PDE8A: variants seen among roughly 807,000 people sequenced by gnomAD.
The protein encoded by PDE8A is high affinity cAMP-specific and IBMX-insensitive 3',5'-cyclic phosphodiesterase 8A.
In PDE8A, 59 loss-of-function variants were observed where a neutral mutation model predicts 105.0. That is an observed-to-expected ratio of 0.56 (90% CI 0.46 to 0.70). The LOEUF is 0.70. Ranked by LOEUF, PDE8A falls within the 30% of genes least tolerant of loss-of-function variation. The probability of loss-of-function intolerance (pLI) is 0.00; values close to 1 mark genes in which losing one functional copy is unlikely to be tolerated. For missense variants in PDE8A, 1,014 were observed against 1,045.9 expected (o/e 0.97, Z 0.42); for synonymous variants, 355 against 371.9 (o/e 0.95, Z 0.52).
chr15:85,078,818 T>C (rs184091453), intron 5 of PDE8A, among the ~76,000 whole-genome samples: 5 of 152,308 alleles, frequency 3.3e-5, no homozygotes, highest in African/African-American at 1.2e-4. Context: ...ATATTTACTG[T>C]ATGAAACAAT....
chr15:85,089,204 T>TTA lies in PDE8A; in HGVS notation c.636-133_636-132insAT, dbSNP rs2081601362. The stretch of plus-strand genomic sequence containing the variant: ...GAGGGGCTTGCAGGGGGGTGTTTAT[T>TTA]TCTTTTTATGTTTTAAAATATTTTC... On this transcript the variant is annotated intron_variant, in intron 6 of 21. Transcript: ENST00000394553. 6.4e-6 allele frequency: 4 copies of TTA among 621,698 alleles called. No individual in the cohort carries two copies. The South Asian group carries it at 7.8e-5, about 12-fold the overall frequency. The allele number at this position is 621,698 out of a possible 1,614,324, so 38.5% of individuals were successfully genotyped here.
Position 85,109,057 on chromosome 15 carries a change from TCAGA to T in PDE8A, c.1045_1048del (p.Thr349AlafsTer11). The T allele has an allele frequency of 1.9e-6, 3 of 1,602,694 alleles. No homozygotes were observed. Among genetic ancestry groups the T allele is most frequent in the Non-Finnish European group, 2.6e-6 (3 of 1,170,096 alleles). On this transcript the variant is annotated frameshift_variant, in exon 12 of 22. Transcript: ENST00000394553. LOFTEE classifies it high-confidence loss of function. ...ATTTATCATTTGTTTCTACAGATAA[TCAGA>T]CAGGCAAACATAAAGACAGGAGAAA...
intron 1 of PDE8A, among the ~76,000 whole-genome samples, chr15:85,023,012 A>G (rs1382136279): frequency 6.6e-6 from 1 of 152,232 alleles, no homozygotes; most frequent in Non-Finnish European, 1.5e-5. Flanking sequence ...AGGTAGACCT[A>G]GGTAATGGGG....
At chr15:85,061,247 T>A (rs899637102) in intron 1 of PDE8A, among the ~76,000 whole-genome samples, 1 of 152,100 alleles carries the variant, frequency 6.6e-6, no homozygotes, top group Admixed American at 6.6e-5. Context: ...TTATTTATTT[T>A]TTTTGAGATG....
intron 1 of PDE8A, among the ~76,000 whole-genome samples, chr15:85,041,853 G>A (rs748931116): frequency 2.4e-4 from 37 of 152,210 alleles, no homozygotes; most frequent in Non-Finnish European, 4.3e-4. Context: ...TGATCTGAAG[G>A]CCTTCATCTG....
At chr15:85,016,160 AT>A (rs2141343127) in intron 1 of PDE8A, among the ~76,000 whole-genome samples, 1 of 152,290 alleles carries the variant, frequency 6.6e-6, no homozygotes, top group East Asian at 1.9e-4. Context: ...AATAAATAAA[AT>A]TTAAAAAATG....
At chr15:85,136,445 C>T in intron 20 of PDE8A, 89 bp from the exon 21 acceptor site, 1 of 1,414,378 alleles carries the variant, frequency 7.1e-7, no homozygotes, top group Non-Finnish European at 9.6e-7. Context: ...CTTAGGCTGC[C>T]AGGAGAAGCT....
In PDE8A at chr15:85,138,854, A is replaced by C. The variant is rs2082457071; in HGVS notation, c.*951A>C. 1.3e-5 allele frequency: 2 copies of C among 152,360 alleles called. No individual in the cohort carries two copies. The highest frequency in any genetic ancestry group is 3.9e-4 in the East Asian group (2 of 5,192). 9.4% of individuals were successfully genotyped at this position (152,360 alleles called of 1,614,324 possible). On this transcript the variant is annotated 3_prime_UTR_variant, in exon 22 of 22. Coordinates refer to ENST00000394553, the MANE Select transcript of PDE8A (RefSeq NM_002605.3). ...AAAATTTTATAATTCAATTTCCAAAAGTCTACTCTATTTTATACTGTTTCT... is the reference window on the plus strand; with the variant it reads ...AAAATTTTATAATTCAATTTCCAAACGTCTACTCTATTTTATACTGTTTCT...
chr15:85,072,033 A>T (rs757845755), intron 3 of PDE8A, among the ~76,000 whole-genome samples: 6 of 152,244 alleles, frequency 3.9e-5, no homozygotes, highest in Non-Finnish European at 7.3e-5. Flanking sequence ...GTACTACTTG[A>T]AAACCCAAAA....
intron 17 of PDE8A, among the ~76,000 whole-genome samples, chr15:85,118,441 G>A (rs1320965804): frequency 2.0e-5 from 3 of 152,020 alleles, no homozygotes; most frequent in African/African-American, 7.2e-5. Context: ...GAGGCCCCCC[G>A]CAATCCTTTC....
chr15:84,997,276 C>T (rs1436823193), intron 1 of PDE8A, among the ~76,000 whole-genome samples: 2 of 152,036 alleles, frequency 1.3e-5, no homozygotes, highest in African/African-American at 4.8e-5. Flanking sequence ...TTACTGCAAC[C>T]TCTGTCTCCT....
chr15:85,057,986 TG>T (rs1210699687), intron 1 of PDE8A, among the ~76,000 whole-genome samples: 2 of 152,202 alleles, frequency 1.3e-5, no homozygotes, highest in Admixed American at 6.5e-5. Flanking sequence ...TAAGGGATAT[TG>T]GCCTGTAATT....
In PDE8A at chr15:84,993,745, G is replaced by T. The variant is rs573679539; in HGVS notation, c.186+11397G>T. ...AAAAAAAATAATAATAAATAAATTA[G>T]CTGGGCATGGTGGTGCACACCTGTA... On this transcript the variant is annotated intron_variant, in intron 1 of 21. Transcript: ENST00000394553. Among the ~76,000 whole-genome samples, 470 of 151,996 alleles carry T rather than the reference G, an allele frequency of 3.1e-3. 1 individual carries two copies. The highest frequency in any genetic ancestry group is 4.6e-3 in the Non-Finnish European group (316 of 67,970).
At chr15:85,096,606 A>G (rs987396105) in intron 8 of PDE8A, among the ~76,000 whole-genome samples, 4 of 152,216 alleles carry the variant, frequency 2.6e-5, no homozygotes, top group Admixed American at 6.5e-5. Flanking sequence ...TAAGGTAGAC[A>G]TGCAAGTTGT....
chr15:84,986,326 C>T (rs1567214603), intron 1 of PDE8A, among the ~76,000 whole-genome samples: 2 of 152,174 alleles, frequency 1.3e-5, no homozygotes, highest in South Asian at 4.1e-4. Context: ...TTACTGCTGT[C>T]AGCACTCACT....
intron 11 of PDE8A, among the ~76,000 whole-genome samples, chr15:85,102,672 T>G (rs2081883313): frequency 6.6e-6 from 1 of 151,440 alleles, no homozygotes; most frequent in South Asian, 2.1e-4. Flanking sequence ...AAACCTCGTC[T>G]CTACTAAAAA....
At chr15:85,082,665 A>G (rs1443715297) in intron 5 of PDE8A, among the ~76,000 whole-genome samples, 2 of 152,228 alleles carry the variant, frequency 1.3e-5, no homozygotes, top group Admixed American at 1.3e-4. Flanking sequence ...AGTGATATGC[A>G]GAGGCTCTGC....
intron 21 of PDE8A, 54 bp from the exon 22 acceptor site, chr15:85,137,743 T>C: frequency 8.5e-7 from 1 of 1,176,586 alleles, no homozygotes; most frequent in South Asian, 1.2e-5. Context: ...AGTGAAAGCC[T>C]AAAATGTAAA....
chr15:84,993,638 G>A (rs1483444664), intron 1 of PDE8A, among the ~76,000 whole-genome samples: 1 of 152,004 alleles, frequency 6.6e-6, no homozygotes, highest in African/African-American at 2.4e-5. Flanking sequence ...CAGCACTTTT[G>A]GGAGGACAAG....
Sources: gnomAD v4.1 joint callset for allele counts (sites outside exome capture counted in the v4.1 genomes callset) on GRCh38, gnomAD v4.1.1 for gene constraint, MANE v1.5 for transcripts, NCBI Gene and HGNC (gene_info 2026-07-23, HGNC 2026-07-21) for gene names.